MCTP2: variants seen among roughly 807,000 people sequenced by gnomAD.
The protein encoded by MCTP2 is multiple C2 and transmembrane domain-containing protein 2.
In MCTP2, 132 loss-of-function variants were observed where a neutral mutation model predicts 111.6. The ratio of observed to expected loss-of-function variants is 1.18; its 90% CI spans 1.03 to 1.37. The LOEUF is 1.37. MCTP2 is among the 40% of genes most tolerant of loss of function. MCTP2 has a pLI of 0.00. For missense variants in MCTP2, 1,183 were observed against 1,067.9 expected (o/e 1.11, Z -1.50); for synonymous variants, 395 against 387.7 (o/e 1.02, Z -0.22).
chr15:94,251,452 G>A (rs867155609), intron 1 of MCTP2, among the ~76,000 whole-genome samples: 1 of 151,598 alleles, frequency 6.6e-6, no homozygotes, highest in African/African-American at 2.4e-5. Flanking sequence ...TCCACCTCCC[G>A]GGTTCAAGCA....
intron 17 of MCTP2, among the ~76,000 whole-genome samples, chr15:94,423,637 A>T (rs1381873615): frequency 6.6e-6 from 1 of 152,158 alleles, no homozygotes; most frequent in Non-Finnish European, 1.5e-5. Flanking sequence ...ATAAGGCAAA[A>T]TGGGGGCTTG....
chr15:94,355,780 G>A (rs1291796765), intron 8 of MCTP2, among the ~76,000 whole-genome samples: 1 of 152,156 alleles, frequency 6.6e-6, no homozygotes, highest in African/African-American at 2.4e-5. Flanking sequence ...GCCTTGTTCT[G>A]GTATAATATC....
chr15:94,394,298 G>A (rs1259046833), intron 14 of MCTP2, among the ~76,000 whole-genome samples: 2 of 151,960 alleles, frequency 1.3e-5, no homozygotes, highest in African/African-American at 2.4e-5. Context: ...TATTGGAGGT[G>A]TATGGTGAAG....
chr15:94,297,731 C>T (rs934650867), intron 1 of MCTP2, among the ~76,000 whole-genome samples: 16 of 152,190 alleles, frequency 1.1e-4, no homozygotes, highest in Admixed American at 6.5e-5. Flanking sequence ...TAGCGACAGA[C>T]ACCATCTGGC....
intron 12 of MCTP2, among the ~76,000 whole-genome samples, chr15:94,376,728 T>A (rs2079792870): frequency 6.6e-6 from 1 of 152,220 alleles, no homozygotes. Flanking sequence ...CTTCAGCCAC[T>A]TTTAGAAATC....
rs866262336 is a variant in MCTP2 at position 94,430,620 on chromosome 15, C to T, written c.2086-9556C>T. ...AAAATTAGCTGGGCGTCGTGGTGGG[C>T]GCCTGTAATCGCAGCTACTTGGGAG... On this transcript the variant is annotated intron_variant, in intron 17 of 22. Coordinates refer to ENST00000357742, the MANE Select transcript of MCTP2 (RefSeq NM_001385001.1). Among the ~76,000 whole-genome samples, 82 of 148,852 alleles carry T rather than the reference C, an allele frequency of 5.5e-4. 2 individuals carry two copies. In the South Asian group the frequency reaches 9.0e-3, roughly 16 times the overall value.
intron 19 of MCTP2, among the ~76,000 whole-genome samples, chr15:94,446,831 A>G (rs557365140): frequency 9.2e-5 from 14 of 152,232 alleles, no homozygotes; most frequent in African/African-American, 2.7e-4. Context: ...AGCATCTTCA[A>G]TGAGGTCACA....
intron 1 of MCTP2, among the ~76,000 whole-genome samples, chr15:94,286,490 G>T (rs974991713): frequency 6.6e-6 from 1 of 151,842 alleles, no homozygotes; most frequent in East Asian, 1.9e-4. Flanking sequence ...CTGTTATTTG[G>T]ATTGATACTA....
At chr15:94,332,909 TG>T (rs1340439337) in intron 4 of MCTP2, among the ~76,000 whole-genome samples, 2 of 152,260 alleles carry the variant, frequency 1.3e-5, no homozygotes, top group Admixed American at 1.3e-4. Context: ...ACACATAAAG[TG>T]AACATTAAAC....
chr15:94,301,197 T>C (rs1290109680), intron 2 of MCTP2, among the ~76,000 whole-genome samples: 1 of 152,148 alleles, frequency 6.6e-6, no homozygotes, highest in Non-Finnish European at 1.5e-5. Context: ...CCGTTCAGGG[T>C]TGAGGTTCTC....
rs532338083 is a variant in MCTP2 at position 94,328,417 on chromosome 15, C to T, written c.638-10873C>T. 1.2e-4 allele frequency among the ~76,000 whole-genome samples: 19 copies of T among 152,238 alleles called. No homozygotes were observed. The East Asian group carries it at 2.3e-3, about 19-fold the overall frequency. On this transcript the variant is annotated intron_variant, in intron 4 of 22. Transcript: ENST00000357742. ...TGCTGGGATTCCAGGTGTGAGCCAC[C>T]GCGCCCGGCCTATCAAGTGTTTATT...
chr15:94,465,616 C>G (rs2073209109), intron 20 of MCTP2, among the ~76,000 whole-genome samples: 1 of 152,066 alleles, frequency 6.6e-6, no homozygotes, highest in Non-Finnish European at 1.5e-5. Context: ...TTCTTTCAAC[C>G]TGTCTTTTTG....
At chr15:94,431,412 G>T (rs1382316865) in intron 17 of MCTP2, among the ~76,000 whole-genome samples, 1 of 152,180 alleles carries the variant, frequency 6.6e-6, no homozygotes, top group Non-Finnish European at 1.5e-5. Flanking sequence ...AACCAAGTCT[G>T]AGCCAGTTAA....
At chr15:94,452,818 T>C (rs2084549768) in intron 19 of MCTP2, among the ~76,000 whole-genome samples, 1 of 152,244 alleles carries the variant, frequency 6.6e-6, no homozygotes, top group Non-Finnish European at 1.5e-5. Context: ...AGGCCATTTT[T>C]AAAGCCTTTC....
chr15:94,467,675 C>G (rs1479387397), intron 20 of MCTP2, among the ~76,000 whole-genome samples: 1 of 152,000 alleles, frequency 6.6e-6, no homozygotes, highest in African/African-American at 2.4e-5. Flanking sequence ...TATTACTAAC[C>G]AGCCTGGAGA....
At chr15:94,294,941 C>CTTTT (rs71133001) in intron 1 of MCTP2, among the ~76,000 whole-genome samples, 3 of 73,988 alleles carry the variant, frequency 4.1e-5, no homozygotes, top group African/African-American at 1.1e-4. Context: ...TTTTCTTTTC[C>CTTTT]TTTTTTTTTT....
intron 2 of MCTP2, among the ~76,000 whole-genome samples, chr15:94,306,466 CTG>C (rs1441603229): frequency 6.6e-6 from 1 of 152,118 alleles, no homozygotes; most frequent in Admixed American, 6.5e-5. Context: ...AATCCTGGGA[CTG>C]TGCGCAGAAC....
chr15:94,428,821 C>A (rs1239569471), intron 17 of MCTP2, among the ~76,000 whole-genome samples: 1 of 152,030 alleles, frequency 6.6e-6, no homozygotes, highest in Non-Finnish European at 1.5e-5. Context: ...CTCCTTTATA[C>A]CATTCCTCAC....
chr15:94,376,942 A>G (rs17548999), intron 12 of MCTP2, among the ~76,000 whole-genome samples: 9,595 of 152,266 alleles, frequency 0.063, 499 homozygotes, highest in South Asian at 0.1. Context: ...TTGTTATACA[A>G]AAAAGTGCTA....
Sources: gnomAD v4.1 joint callset for allele counts (sites outside exome capture counted in the v4.1 genomes callset) on GRCh38, gnomAD v4.1.1 for gene constraint, MANE v1.5 for transcripts, NCBI Gene and HGNC (gene_info 2026-07-23, HGNC 2026-07-21) for gene names.